The following ARRDC5 variants were observed in gnomAD, a reference collection of about 807,000 sequenced individuals.
ARRDC5 encodes the protein arrestin domain-containing protein 5.
A neutral mutation model predicts 13.3 loss-of-function variants in ARRDC5; 12 were observed. The observed-to-expected ratio is 0.90, with a 90% CI of 0.58 to 1.46. ARRDC5 has a LOEUF of 1.46. Ranked by LOEUF, ARRDC5 falls within the 40% of genes most tolerant of loss-of-function variation. The probability of loss-of-function intolerance (pLI) is 0.00; values close to 1 mark genes in which losing one functional copy is unlikely to be tolerated. For missense variants in ARRDC5, 406 were observed against 418.7 expected (o/e 0.97, Z 0.26); for synonymous variants, 181 against 173.4 (o/e 1.04, Z -0.34).
chr19:4,904,703 C>T (rs1416447321), upstream of ARRDC5, among the ~76,000 whole-genome samples: 4 of 152,226 alleles, frequency 2.6e-5, no homozygotes, highest in Admixed American at 1.3e-4. Flanking sequence ...TTGTGCCCAT[C>T]AATGTCTGCG....
upstream of ARRDC5, among the ~76,000 whole-genome samples, chr19:4,907,115 A>G (rs1159993184): frequency 5.3e-5 from 8 of 152,298 alleles, no homozygotes; most frequent in Admixed American, 3.9e-4. Context: ...CAAAACACAC[A>G]TTTATTTATT....
chr19:4,901,511 G>A (rs186971748), intron 1 of ARRDC5, among the ~76,000 whole-genome samples: 228 of 152,022 alleles, frequency 1.5e-3, no homozygotes, highest in Middle Eastern at 3.4e-3. Flanking sequence ...CCACTCAGGA[G>A]GCTGAGGCAG....
At chr19:4,904,559 C>T (rs1455493852), upstream of ARRDC5, among the ~76,000 whole-genome samples, 5 of 152,146 alleles carry the variant, frequency 3.3e-5, no homozygotes, top group East Asian at 1.9e-4. Flanking sequence ...ATGATCCACC[C>T]GCCTCACTTG....
intron 1 of ARRDC5, among the ~76,000 whole-genome samples, chr19:4,899,893 T>C (rs1435089923): frequency 1.3e-5 from 2 of 149,078 alleles, no homozygotes; most frequent in Non-Finnish European, 3.0e-5. Context: ...GAGCCAAGAT[T>C]GCACCACTGC....
the ARRDC5 span, among the ~76,000 whole-genome samples, chr19:4,914,583 C>T: frequency 5.0e-3 from 762 of 151,428 alleles, 5 homozygotes; most frequent in African/African-American, 0.018. Context: ...GGGAGCTGAT[C>T]GAGGGCAGTG....
At chr19:4,891,623 A>C in intron 2 of ARRDC5, 50 bp from the exon 3 acceptor site, 7 of 1,531,658 alleles carry the variant, frequency 4.6e-6, no homozygotes, top group Non-Finnish European at 6.2e-6. Context: ...GGACCACAAA[A>C]TCCACTTGCC....
At chr19:4,910,118 C>G in the ARRDC5 span, 2 of 151,756 alleles carry the variant, frequency 1.3e-5, no homozygotes, top group African/African-American at 4.9e-5. Context: ...GGGGCCCCCT[C>G]TGTAGTCCCG....
At chr19:4,907,265 C>T (rs191942727), upstream of ARRDC5, among the ~76,000 whole-genome samples, 1 of 152,000 alleles carries the variant, frequency 6.6e-6, no homozygotes, top group African/African-American at 2.4e-5. Context: ...ACACACCACC[C>T]TGCCCAGCTA....
At chr19:4,898,078 C>T (rs879359315) in intron 1 of ARRDC5, among the ~76,000 whole-genome samples, 6 of 151,966 alleles carry the variant, frequency 3.9e-5, no homozygotes, top group South Asian at 2.1e-4. Flanking sequence ...CAGAGCGAGA[C>T]GCCATCTCTA....
the ARRDC5 span, among the ~76,000 whole-genome samples, chr19:4,912,756 A>AT: frequency 4.6e-5 from 7 of 151,764 alleles, no homozygotes; most frequent in African/African-American, 9.7e-5. Flanking sequence ...GTTTTCATTG[A>AT]TTTTTTTTGT....
intron 1 of ARRDC5, among the ~76,000 whole-genome samples, chr19:4,902,039 A>T (rs759162244): frequency 2.0e-4 from 31 of 152,176 alleles, no homozygotes; most frequent in Non-Finnish European, 3.7e-4. Flanking sequence ...GGCACGTGCC[A>T]GCACGCCCAG....
chr19:4,891,368 G>C lies in ARRDC5; in HGVS notation c.665C>G (p.Thr222Arg), dbSNP rs368496112. ...LYAHIQYEGFTPSAERRSRLD... is the reference protein window; with the variant it reads ...LYAHIQYEGFRPSAERRSRLD... The stretch of plus-strand genomic sequence containing the variant: ...CCGAGACCGCCGCTCTGCACTGGGC[G>C]TGAAGCCCTCGTACTGTATGTGGGC... Residue 222 changes from threonine (T) to arginine (R), a missense_variant, in exon 3 of 3, where the codon ACG becomes AGG. Physicochemically the swap from Thr to Arg is moderately conservative, Grantham distance 71. Transcript: ENST00000650722. The C allele has an allele frequency of 3.7e-6, 6 of 1,613,556 alleles. No homozygotes were observed. The highest frequency in any genetic ancestry group is 4.2e-6 in the Non-Finnish European group (5 of 1,179,888).
the ARRDC5 span, among the ~76,000 whole-genome samples, chr19:4,916,750 G>A: frequency 6.6e-6 from 1 of 152,306 alleles, no homozygotes; most frequent in East Asian, 1.9e-4. Flanking sequence ...CGCACCTGAG[G>A]TTGTCGCAGA....
the ARRDC5 span, among the ~76,000 whole-genome samples, chr19:4,914,794 A>G: frequency 1.3e-5 from 2 of 151,784 alleles, no homozygotes; most frequent in African/African-American, 4.8e-5. Context: ...CTCCCACATC[A>G]TCTTATTTTA....
rs1250448401 is a variant in ARRDC5 at position 4,902,697 on chromosome 19, C to A, written c.129G>T (p.Glu43Asp). The A allele has an allele frequency of 6.2e-7, 1 of 1,614,030 alleles. No homozygotes were observed. Among genetic ancestry groups the A allele is most frequent in the Non-Finnish European group, 8.5e-7 (1 of 1,179,902 alleles). ...STLVDPIVKVELVGRGYVEWS... is the reference protein window; with the variant it reads ...STLVDPIVKVDLVGRGYVEWS... ...ATTCGACGTAACCCCTTCCCACGAG[C>A]TCCACCTTCACTATGGGGTCCACCA... Residue 43 changes from glutamate (E) to aspartate (D), a missense_variant, in exon 1 of 3, where the codon GAG becomes GAT. Physicochemically the swap from Glu to Asp is conservative, Grantham distance 45. Transcript: ENST00000650722.
chr19:4,893,151 A>ATATAATATT, intron 2 of ARRDC5, among the ~76,000 whole-genome samples: 1 of 141,848 alleles, frequency 7.0e-6, no homozygotes, highest in Non-Finnish European at 1.5e-5. Context: ...ATATTATTAG[A>ATATAATATT]ATATATATAA....
Position 4,891,214 on chromosome 19 carries a change from C to A in ARRDC5, c.819G>T (p.Glu273Asp), listed in dbSNP as rs756148998. The A allele has an allele frequency of 3.1e-6, 5 of 1,613,870 alleles. No homozygotes were observed. The highest frequency in any genetic ancestry group is 4.2e-6 in the Non-Finnish European group (5 of 1,179,862). ...CCAGCTCGTAGCGAGTGTGCATGATCTCACCGTCCTGCGTGCTGCTGCTCA... is the reference window on the plus strand; with the variant it reads ...CCAGCTCGTAGCGAGTGTGCATGATATCACCGTCCTGCGTGCTGCTGCTCA... ...LSVSSSTQDG[E>D]IMHTRYELVT... Residue 273 changes from glutamate to aspartate, a missense_variant, in exon 3 of 3, where the codon GAG becomes GAT. Transcript: ENST00000650722.
chr19:4,897,948 G>A (rs1252013697), intron 1 of ARRDC5, among the ~76,000 whole-genome samples: 2 of 152,166 alleles, frequency 1.3e-5, no homozygotes, highest in Admixed American at 6.6e-5. Flanking sequence ...TTAGCCGGGT[G>A]TGGTGGCACA....
the ARRDC5 span, among the ~76,000 whole-genome samples, chr19:4,916,654 C>A: frequency 1.3e-5 from 2 of 152,070 alleles, no homozygotes; most frequent in Non-Finnish European, 2.9e-5. Flanking sequence ...CCGCCGCCCC[C>A]TCTTGTGGGT....
Sources: allele counts gnomAD v4.1 joint callset (sites outside exome capture counted in the v4.1 genomes callset), GRCh38; gene constraint gnomAD v4.1.1; transcripts MANE v1.5; gene names NCBI Gene and HGNC (gene_info 2026-07-23, HGNC 2026-07-21).